The following DERPC variants were observed in gnomAD, a reference collection of about 807,000 sequenced individuals.
DERPC encodes decreased expression in renal and prostate cancer protein.
In DERPC, 1 loss-of-function variant was observed where a neutral mutation model predicts 7.2. The observed-to-expected ratio is 0.14, with a 90% confidence interval of 0.05 to 0.66. DERPC has a LOEUF of 0.66. Among genes scored for constraint, DERPC ranks in the 30% least tolerant of loss-of-function variants. The pLI is 0.84. For missense variants in DERPC, 502 were observed against 299.4 expected (o/e 1.68, Z -4.99); for synonymous variants, 185 against 117.6 (o/e 1.57, Z -3.71).
chr16:69,127,376 C>T (rs183650995), intron 1 of DERPC, among the ~76,000 whole-genome samples: 2 of 152,020 alleles, frequency 1.3e-5, no homozygotes, highest in East Asian at 3.9e-4. Context: ...ACAAGCATAA[C>T]AATGGAAATT....
chr16:69,131,742 A>G lies in DERPC; in HGVS notation c.-280+742T>C, dbSNP rs112406228. Reference sequence around the variant, plus strand: ...CAAACCGTTCACCCTCTTCCCAAAGATTACTCTTTAAACGTCCTTTCTCTA... The same window carrying G: ...CAAACCGTTCACCCTCTTCCCAAAGGTTACTCTTTAAACGTCCTTTCTCTA... On this transcript the variant is annotated intron_variant, in intron 1 of 2. Coordinates refer to ENST00000519520, the MANE Select transcript of DERPC (RefSeq NM_001002847.4). 5.9e-3 allele frequency among the ~76,000 whole-genome samples: 894 copies of G among 151,178 alleles called. 12 individuals carry two copies. The highest frequency in any genetic ancestry group is 0.019 in the African/African-American group (794 of 41,082).
intron 1 of DERPC, among the ~76,000 whole-genome samples, chr16:69,121,737 A>C (rs1477191464): frequency 2.0e-5 from 3 of 148,638 alleles, no homozygotes; most frequent in African/African-American, 7.5e-5. Context: ...GCACGATCTC[A>C]GCTCACTGCA....
At chr16:69,127,841 C>T (rs183674567) in intron 1 of DERPC, among the ~76,000 whole-genome samples, 1 of 152,102 alleles carries the variant, frequency 6.6e-6, no homozygotes, top group East Asian at 1.9e-4. Context: ...AACTCCTGAC[C>T]TCAAGTGATC....
chr16:69,123,152 G>C (rs915682185), intron 1 of DERPC, among the ~76,000 whole-genome samples: 1 of 152,110 alleles, frequency 6.6e-6, no homozygotes, highest in Non-Finnish European at 1.5e-5. Flanking sequence ...TACTGCCCGG[G>C]CTTAAGTGAT....
chr16:69,129,130 T>G (rs948947941), intron 1 of DERPC, among the ~76,000 whole-genome samples: 1 of 150,524 alleles, frequency 6.6e-6, no homozygotes, highest in Admixed American at 6.6e-5. Flanking sequence ...CATGATTTCT[T>G]AAGAAAAGCC....
chr16:69,120,327 C>G lies in DERPC; in HGVS notation c.102G>C (p.Gly34=). ...GRLDGSLGPQ[G]GPVLNTGHPL... ...GGTGGCCTGTGTTCAGAACAGGACC[C>G]CCCTGTGGTCCCAGGGAACCGTCGA... The change falls in exon 3 of 3, where the codon GGG becomes GGC. Residue 34 remains glycine (G), a synonymous_variant. Coordinates refer to ENST00000519520, the MANE Select transcript of DERPC (RefSeq NM_001002847.4). The surrounding 1 kb of genome is among the most constrained non-coding windows in gnomAD (Gnocchi z 4.0). 8.5e-7 allele frequency: 1 copy of G among 1,170,768 alleles called. No individual in the cohort carries two copies. The highest frequency in any genetic ancestry group is 1.3e-6 in the Non-Finnish European group (1 of 785,074). 72.5% of individuals were successfully genotyped at this position (1,170,768 alleles called of 1,614,324 possible). A position where few individuals can be genotyped will look rare whatever the true frequency, so the allele number is the denominator to read the frequency against.
At chr16:69,127,580 G>A (rs1962161196) in intron 1 of DERPC, among the ~76,000 whole-genome samples, 1 of 149,842 alleles carries the variant, frequency 6.7e-6, no homozygotes, top group African/African-American at 2.4e-5. Context: ...AAGAGAGTCA[G>A]TGGAAGAGCT....
Position 69,120,679 on chromosome 16 carries a change from G to C in DERPC, c.-221-30C>G, listed in dbSNP as rs1302544103. The C allele has an allele frequency of 1.4e-5, 22 of 1,586,254 alleles. No individual in the cohort carries two copies. Among genetic ancestry groups the C allele is most frequent in the Non-Finnish European group, 1.6e-5 (18 of 1,159,102 alleles). On this transcript the variant is annotated intron_variant, in intron 2 of 2. Transcript: ENST00000519520. This position sits in a 1 kb window ranked among gnomAD's most constrained non-coding sequence, Gnocchi z 4.0. ...GGCAGAACAAGAACGAGATTCCTGA[G>C]GTTCCGGGGCAAGGCCATAACACTC...
intron 1 of DERPC, among the ~76,000 whole-genome samples, chr16:69,127,304 A>G (rs1473729299): frequency 6.6e-6 from 1 of 152,102 alleles, no homozygotes; most frequent in Admixed American, 6.6e-5. Context: ...GAGAGTAGAC[A>G]GAGTGAGTAG....
In DERPC at chr16:69,118,127, A is replaced by ACCC; in HGVS notation, c.*724_*726dup. ...CAGTGATTTCTTCCCTTCATCCCCCACCCCCACCCTAATTCCCATATTCCC... is the reference window on the plus strand; with the variant it reads ...CAGTGATTTCTTCCCTTCATCCCCCACCCCCCCCACCCTAATTCCCATATTCCC... On this transcript the variant is annotated 3_prime_UTR_variant, in exon 3 of 3. Transcript: ENST00000519520. 7.2e-6 allele frequency: 1 copy of ACCC among 138,046 alleles called. No individual in the cohort carries two copies. The allele number at this position is 138,046 out of a possible 1,614,324, so 8.6% of individuals were successfully genotyped here.
intron 1 of DERPC, among the ~76,000 whole-genome samples, chr16:69,129,112 A>G (rs1312215613): frequency 2.0e-5 from 3 of 151,396 alleles, no homozygotes; most frequent in Non-Finnish European, 2.9e-5. Context: ...GGCAAATCAA[A>G]GCACCACCAT....
Position 69,118,129 on chromosome 16 carries a change from C to CCCCCCCCCA in DERPC, c.*724_*725insTGGGGGGGG. 2.7e-6 allele frequency: 1 copy of CCCCCCCCCA among 364,368 alleles called. No homozygotes were observed. The highest frequency in any genetic ancestry group is 5.0e-6 in the Non-Finnish European group (1 of 198,392). The allele number at this position is 364,368 out of a possible 1,614,324, so 22.6% of individuals were successfully genotyped here. On this transcript the variant is annotated 3_prime_UTR_variant, in exon 3 of 3. Transcript: ENST00000519520. Reference sequence around the variant, plus strand: ...GTGATTTCTTCCCTTCATCCCCCACCCCCACCCTAATTCCCATATTCCCAT... The same window carrying CCCCCCCCCA: ...GTGATTTCTTCCCTTCATCCCCCACCCCCCCCCCACCCACCCTAATTCCCATATTCCCAT...
chr16:69,128,785 G>T (rs149031057), intron 1 of DERPC, among the ~76,000 whole-genome samples: 1 of 152,070 alleles, frequency 6.6e-6, no homozygotes, highest in Non-Finnish European at 1.5e-5. Flanking sequence ...TAAAAAACCC[G>T]CCAGGCACGG....
chr16:69,121,345 AC>A (rs1961641178), intron 2 of DERPC, 90 bp downstream of exon 2: 1 of 1,277,622 alleles, frequency 7.8e-7, no homozygotes, highest in Non-Finnish European at 1.1e-6. Context: ...TACAAGATGC[AC>A]CTAAGGACCC....
intron 1 of DERPC, among the ~76,000 whole-genome samples, chr16:69,128,227 A>G (rs967538886): frequency 2.6e-5 from 4 of 152,214 alleles, no homozygotes; most frequent in Admixed American, 1.3e-4. Context: ...ATCTCTTAAG[A>G]GCAGAGTTCA....
Position 69,118,611 on chromosome 16 carries a change from T to C in DERPC, c.*243A>G. 1 of 709,304 alleles carries C rather than the reference T, an allele frequency of 1.4e-6. No homozygotes were observed. 43.9% of individuals were successfully genotyped at this position (709,304 alleles called of 1,614,324 possible). ...GTGGGACGAAAGCACAGCAGGCTTC[T>C]GGGAGGCTGGAGATCCTTTCTCTCA... On this transcript the variant is annotated 3_prime_UTR_variant, in exon 3 of 3. Transcript: ENST00000519520.
intron 1 of DERPC, among the ~76,000 whole-genome samples, chr16:69,124,643 G>A (rs1449085464): frequency 3.3e-5 from 5 of 151,986 alleles, no homozygotes; most frequent in African/African-American, 1.2e-4. Context: ...CCAAAGTACT[G>A]TGTTTACAGG....
At chr16:69,130,015 A>C (rs1392324553) in intron 1 of DERPC, among the ~76,000 whole-genome samples, 3 of 152,284 alleles carry the variant, frequency 2.0e-5, no homozygotes, top group Admixed American at 2.0e-4. Context: ...TCAAGAGAAT[A>C]GAGGACATTC....
Position 69,118,108 on chromosome 16 carries a change from TTTC to T in DERPC, c.*743_*745del, listed in dbSNP as rs1961291904. 3.8e-6 allele frequency: 2 copies of T among 524,206 alleles called. No homozygotes were observed. The highest frequency in any genetic ancestry group is 6.9e-6 in the Non-Finnish European group (2 of 290,556). 32.5% of individuals were successfully genotyped at this position (524,206 alleles called of 1,614,324 possible). A position where few individuals can be genotyped will look rare whatever the true frequency, so the allele number is the denominator to read the frequency against. On this transcript the variant is annotated 3_prime_UTR_variant, in exon 3 of 3. Transcript: ENST00000519520. ...CACCAGGCCGAACAAAGCACAGTGA[TTTC>T]TTCCCTTCATCCCCCACCCCCACCC...
Sources: gnomAD v4.1 joint callset for allele counts (sites outside exome capture counted in the v4.1 genomes callset) on GRCh38, gnomAD v4.1.1 for gene constraint, Gnocchi (gnomAD v3.1) non-coding constraint, MANE v1.5 for transcripts, NCBI Gene and HGNC (gene_info 2026-07-23, HGNC 2026-07-21) for gene names.